Variants in NRG4 observed in about 807,000 individuals in gnomAD.
NRG4 encodes the protein pro-neuregulin-4, membrane-bound isoform.
In NRG4, 10 loss-of-function variants were observed where a neutral mutation model predicts 15.0. That is an observed-to-expected ratio of 0.67 (90% CI 0.41 to 1.13). The LOEUF (loss-of-function observed/expected upper bound fraction) is 1.13, where lower values mean the gene tolerates loss of function less well. Among genes scored for constraint, NRG4 ranks in the 50% most tolerant of loss-of-function variants. The pLI, the probability that NRG4 is intolerant of heterozygous loss-of-function variation, is 0.00. For missense variants in NRG4, 139 were observed against 140.2 expected (o/e 0.99, Z 0.04); for synonymous variants, 41 against 50.1 (o/e 0.82, Z 0.77).
intron 3 of NRG4, among the ~76,000 whole-genome samples, chr15:76,001,240 T>TCCTG (rs1430290017): frequency 6.6e-6 from 1 of 151,996 alleles, no homozygotes; most frequent in African/African-American, 2.4e-5. Context: ...CATTCCTCCC[T>TCCTG]CCTGCCTTGG....
At chr15:75,939,012 G>T (rs375254940), downstream of NRG4, 11 of 152,050 alleles carry the variant, frequency 7.2e-5, no homozygotes, top group African/African-American at 2.4e-4. Flanking sequence ...AAACAAAAAA[G>T]ACCTCATGTC....
chr15:75,942,079 A>G lies in NRG4; in HGVS notation c.*1559T>C, dbSNP rs540712175. On this transcript the variant is annotated 3_prime_UTR_variant, in exon 6 of 6. Transcript: ENST00000394907. The stretch of plus-strand genomic sequence containing the variant: ...GTGAAAGAAGTTAGTCTGAAAGGCT[A>G]CATACTACATGATTTCAAATATATG... 37 of 151,874 alleles carry G rather than the reference A, an allele frequency of 2.4e-4. No homozygotes were observed. The highest frequency in any genetic ancestry group is 8.7e-4 in the African/African-American group (36 of 41,400). The allele number at this position is 151,874 out of a possible 1,614,324, so 9.4% of individuals were successfully genotyped here. A position where few individuals can be genotyped will look rare whatever the true frequency, so the allele number is the denominator to read the frequency against.
chr15:75,996,828 T>C (rs2034233173), intron 3 of NRG4, among the ~76,000 whole-genome samples: 1 of 152,168 alleles, frequency 6.6e-6, no homozygotes, highest in Admixed American at 6.5e-5. Flanking sequence ...TGAAATGTAT[T>C]ATAGGAATTA....
At chr15:75,967,618 C>T (rs2032872809) in intron 3 of NRG4, among the ~76,000 whole-genome samples, 1 of 151,892 alleles carries the variant, frequency 6.6e-6, no homozygotes, top group Non-Finnish European at 1.5e-5. Flanking sequence ...TGCACCACCA[C>T]ACCCAGCTAA....
chr15:75,989,347 C>T (rs907219750), intron 3 of NRG4, among the ~76,000 whole-genome samples: 1 of 151,982 alleles, frequency 6.6e-6, no homozygotes, highest in Non-Finnish European at 1.5e-5. Context: ...CGTGGCCTAC[C>T]GATGAATGCT....
intron 3 of NRG4, among the ~76,000 whole-genome samples, chr15:76,003,098 C>A (rs924196555): frequency 1.3e-5 from 2 of 151,990 alleles, no homozygotes; most frequent in African/African-American, 4.8e-5. Context: ...TTCAAAGGAA[C>A]AAAATTGTAA....
chr15:75,991,142 A>G (rs1397615721), intron 3 of NRG4, among the ~76,000 whole-genome samples: 2 of 152,156 alleles, frequency 1.3e-5, no homozygotes, highest in Non-Finnish European at 2.9e-5. Flanking sequence ...CAGGGGTTAG[A>G]AAAATGTTTT....
intron 3 of NRG4, among the ~76,000 whole-genome samples, chr15:75,989,249 T>A (rs930774241): frequency 6.6e-6 from 1 of 152,232 alleles, no homozygotes; most frequent in African/African-American, 2.4e-5. Flanking sequence ...GTTGTATTTC[T>A]AAGCTTTCTT....
intron 5 of NRG4, among the ~76,000 whole-genome samples, chr15:76,024,422 GA>G (rs1261518458): frequency 2.0e-5 from 3 of 152,172 alleles, no homozygotes; most frequent in African/African-American, 7.2e-5. Flanking sequence ...GGACAGCTTA[GA>G]AGCCATGCAT....
intron 3 of NRG4, among the ~76,000 whole-genome samples, chr15:75,988,113 G>A (rs926788073): frequency 6.6e-6 from 1 of 152,218 alleles, no homozygotes; most frequent in Non-Finnish European, 1.5e-5. Flanking sequence ...AGATTGAGAA[G>A]CTAGTTGAGA....
upstream of NRG4, among the ~76,000 whole-genome samples, chr15:76,017,155 C>CTTTTTTTTT (rs66838505): frequency 4.0e-4 from 21 of 52,322 alleles, no homozygotes; most frequent in East Asian, 8.9e-4. Flanking sequence ...CAACCCCTGC[C>CTTTTTTTTT]TTTTTTTTTT....
At chr15:76,027,312 CAAAGAG>C (rs931955955) in intron 5 of NRG4, among the ~76,000 whole-genome samples, 15 of 150,920 alleles carry the variant, frequency 9.9e-5, no homozygotes, top group African/African-American at 3.7e-4. Context: ...AAAAGCTGTA[CAAAGAG>C]AAAAAGAAAG....
rs148222108 is a variant in NRG4 at position 75,981,277 on chromosome 15, A to G, written c.105-19303T>C. ...GTCTGACTATCCTCTGGGGAGAGAG[A>G]CCTGAATCTACTTTAAATGTTTCAG... On this transcript the variant is annotated intron_variant, in intron 3 of 5. Coordinates refer to ENST00000394907, the MANE Select transcript of NRG4 (RefSeq NM_138573.4). 7.9e-5 allele frequency among the ~76,000 whole-genome samples: 12 copies of G among 152,232 alleles called. No homozygotes were observed. The East Asian group carries it at 2.3e-3, about 29-fold the overall frequency.
intron 3 of NRG4, among the ~76,000 whole-genome samples, chr15:75,992,854 G>A (rs1293213364): frequency 6.6e-6 from 1 of 151,794 alleles, no homozygotes; most frequent in Non-Finnish European, 1.5e-5. Context: ...GTACTTTATT[G>A]ACAAATATTC....
chr15:76,034,672 C>T (rs965998989), intron 5 of NRG4, among the ~76,000 whole-genome samples: 2 of 151,654 alleles, frequency 1.3e-5, no homozygotes, highest in African/African-American at 2.4e-5. Flanking sequence ...ATTCTTATCT[C>T]TTAGCTGCTG....
chr15:75,950,926 C>A, intron 5 of NRG4: 1 of 202,220 alleles, frequency 4.9e-6, no homozygotes. Context: ...GCACAGCTGT[C>A]ACTAAAGATC....
intron 3 of NRG4, among the ~76,000 whole-genome samples, chr15:75,975,127 T>C (rs2033305547): frequency 6.6e-6 from 1 of 152,226 alleles, no homozygotes; most frequent in South Asian, 2.1e-4. Context: ...CCTCTTTTGA[T>C]CTTTGTTGGT....
At chr15:76,023,130 CCACACACACACACACACACACACACACA>C (rs10572540) in intron 5 of NRG4, among the ~76,000 whole-genome samples, 1 of 120,104 alleles carries the variant, frequency 8.3e-6, no homozygotes, top group African/African-American at 3.0e-5. Context: ...CACCCATACT[CCACACACACACACACACACACACACACA>C]CACACACACA....
At chr15:76,038,369 A>G (rs2035645226) in intron 4 of NRG4, among the ~76,000 whole-genome samples, 1 of 152,164 alleles carries the variant, frequency 6.6e-6, no homozygotes, top group South Asian at 2.1e-4. Flanking sequence ...CCTGGGCCAG[A>G]GGGGACCCCA....
Sources: gnomAD v4.1 joint callset for allele counts (sites outside exome capture counted in the v4.1 genomes callset) on GRCh38, gnomAD v4.1.1 for gene constraint, MANE v1.5 for transcripts, NCBI Gene and HGNC (gene_info 2026-07-23, HGNC 2026-07-21) for gene names.